APP: variants seen among roughly 807,000 people sequenced by gnomAD.
The protein encoded by APP is amyloid-beta precursor protein.
In APP, 31 loss-of-function variants were observed where a neutral mutation model predicts 101.4. The ratio of observed to expected loss-of-function variants is 0.31; its 90% CI spans 0.23 to 0.41. APP has a LOEUF of 0.41. APP is among the 10% of genes least tolerant of loss of function. The pLI, the probability that APP is intolerant of heterozygous loss-of-function variation, is 1.00. For missense variants in APP, 839 were observed against 1,003.7 expected, an observed-to-expected ratio of 0.84 and a Z score of 2.22; for synonymous variants, 366 against 364.4, an observed-to-expected ratio of 1.00 and a Z score of -0.05.
At chr21:25,983,801 C>A (rs2042532081) in intron 8 of APP, among the ~76,000 whole-genome samples, 1 of 152,154 alleles carries the variant, frequency 6.6e-6, no homozygotes, top group Non-Finnish European at 1.5e-5. Flanking sequence ...CTGCCCCTGT[C>A]TTCTCTGTAG....
At chr21:26,075,317 C>A (rs577951758) in intron 3 of APP, among the ~76,000 whole-genome samples, 1 of 152,102 alleles carries the variant, frequency 6.6e-6, no homozygotes, top group Non-Finnish European at 1.5e-5. Flanking sequence ...GTTTGAGCAC[C>A]GCAGGAAAGG....
At chr21:26,167,548 T>G (rs576101535) in intron 1 of APP, among the ~76,000 whole-genome samples, 15 of 152,260 alleles carry the variant, frequency 9.9e-5, no homozygotes, top group African/African-American at 3.6e-4. Flanking sequence ...CTGACAACAT[T>G]CATACAAATA....
At chr21:26,059,448 T>C (rs1313050581) in intron 3 of APP, among the ~76,000 whole-genome samples, 5 of 152,198 alleles carry the variant, frequency 3.3e-5, no homozygotes, top group African/African-American at 1.2e-4. Flanking sequence ...CCTTGTGCTA[T>C]GGGCCCAGAT....
rs530769298 is a variant in APP at position 25,939,193 on chromosome 21, T to C, written c.1687+15397A>G. On this transcript the variant is annotated intron_variant, in intron 13 of 17. Transcript: ENST00000346798. ...GGTTTAATTCCACTTTCATGTTCCC[T>C]TGAGGAGCTGTTGGCAGCAGGATGA... Among the ~76,000 whole-genome samples the C allele has an allele frequency of 1.7e-4, 26 of 152,270 alleles. No homozygotes were observed. The East Asian group carries it at 1.9e-3, about 11-fold the overall frequency.
intron 1 of APP, among the ~76,000 whole-genome samples, chr21:26,145,438 T>C (rs1221114952): frequency 2.0e-5 from 3 of 152,154 alleles, no homozygotes; most frequent in Non-Finnish European, 4.4e-5. Context: ...TAGTTCACAA[T>C]AGGTTTTGTG....
chr21:26,041,920 T>C (rs1022032357), intron 5 of APP, among the ~76,000 whole-genome samples: 10 of 124,022 alleles, frequency 8.1e-5, no homozygotes, highest in African/African-American at 3.1e-4. Context: ...TATTCGTCAT[T>C]TTCAAATGAG....
At chr21:25,953,691 G>T (rs1233803500) in intron 13 of APP, among the ~76,000 whole-genome samples, 1 of 152,202 alleles carries the variant, frequency 6.6e-6, no homozygotes, top group Non-Finnish European at 1.5e-5. Context: ...ATGTACCTTT[G>T]TGAAGTAAGT....
chr21:26,118,025 G>A (rs1160041510), intron 1 of APP, among the ~76,000 whole-genome samples: 5 of 152,186 alleles, frequency 3.3e-5, no homozygotes, highest in Admixed American at 6.5e-5. Context: ...TATTAGATTG[G>A]TGCAAAAATC....
At chr21:26,039,097 T>C (rs762242922) in intron 5 of APP, among the ~76,000 whole-genome samples, 12 of 152,230 alleles carry the variant, frequency 7.9e-5, no homozygotes, top group African/African-American at 2.7e-4. Context: ...CCACCCAATG[T>C]CTTTTTAGGC....
At chr21:26,144,686 T>C (rs1003729035) in intron 1 of APP, among the ~76,000 whole-genome samples, 12 of 152,212 alleles carry the variant, frequency 7.9e-5, no homozygotes, top group African/African-American at 2.9e-4. Context: ...ATAACAGATC[T>C]CAGTATACAA....
chr21:25,985,920 A>G (rs990132910), intron 8 of APP, among the ~76,000 whole-genome samples: 1 of 152,158 alleles, frequency 6.6e-6, no homozygotes, highest in Non-Finnish European at 1.5e-5. Flanking sequence ...GCAGAGAAGG[A>G]TAGCATATGC....
chr21:25,892,667 T>G (rs1443427455), intron 16 of APP, among the ~76,000 whole-genome samples: 1 of 152,238 alleles, frequency 6.6e-6, no homozygotes, highest in Non-Finnish European at 1.5e-5. Flanking sequence ...GGATTAAACA[T>G]AAAAATAATT....
rs182726914 is a variant in APP, at chr21:25,902,467, G to C, written c.1963+2557C>G. 2.8e-4 allele frequency among the ~76,000 whole-genome samples: 41 copies of C among 146,360 alleles called. 2 individuals carry two copies. Among genetic ancestry groups the C allele is most frequent in the Admixed American group, 2.7e-3 (36 of 13,536 alleles). ...TGTGCAGTAAATACTGCTATTCATAGACAAACCTTAACTAGAATCTTCCTC... is the reference window on the plus strand; with the variant it reads ...TGTGCAGTAAATACTGCTATTCATACACAAACCTTAACTAGAATCTTCCTC... On this transcript the variant is annotated intron_variant, in intron 15 of 17. Transcript: ENST00000346798.
chr21:25,913,719 G>A lies in APP; in HGVS notation c.1688-1757C>T, dbSNP rs373401396. On this transcript the variant is annotated intron_variant, in intron 13 of 17. Transcript: ENST00000346798. Reference sequence around the variant, plus strand: ...CTATCACTTACCATGTCCTTTATTTGGAAATGTTCTCACTGTTTCGCATAC... The same window carrying A: ...CTATCACTTACCATGTCCTTTATTTAGAAATGTTCTCACTGTTTCGCATAC... Among the ~76,000 whole-genome samples, 12 of 152,012 alleles carry A rather than the reference G, an allele frequency of 7.9e-5. No individual in the cohort carries two copies. The East Asian group carries it at 2.1e-3, about 27-fold the overall frequency.
chr21:26,024,310 AG>A (rs139403539), intron 5 of APP, among the ~76,000 whole-genome samples: 3,325 of 152,056 alleles, frequency 0.022, 108 homozygotes, highest in African/African-American at 0.076. Flanking sequence ...TGTACCCAGA[AG>A]GAAAAAAAAA....
chr21:25,985,661 A>G (rs2042610585), intron 8 of APP, among the ~76,000 whole-genome samples: 2 of 152,120 alleles, frequency 1.3e-5, no homozygotes, highest in African/African-American at 4.8e-5. Context: ...ATTCTGCAGA[A>G]TCAATCTCTT....
Position 26,096,075 on chromosome 21 carries a change from C to T in APP, c.226-6003G>A, listed in dbSNP as rs150505603. Among the ~76,000 whole-genome samples, 389 of 152,280 alleles carry T rather than the reference C, an allele frequency of 2.6e-3. 1 individual carries two copies. The highest frequency in any genetic ancestry group is 0.01 in the Middle Eastern group (3 of 294). ...ACACAGAGCATTTGCTGTATAAATA[C>T]GTACACTGTGTTCCAAACACACTCT... is the stretch of plus-strand genomic sequence containing the variant. On this transcript the variant is annotated intron_variant, in intron 2 of 17. Transcript: ENST00000346798.
Position 26,170,570 on chromosome 21 carries a change from C to T in APP, c.51G>A (p.Ala17=). ...LLLLAAWTAR[A]LEVPTDGNAG... ...TCCGAGGCGCGGCACCCACCTCCAG[C>T]GCCCGAGCCGTCCAGGCGGCCAGCA... Residue 17 remains alanine (A), a synonymous_variant, in exon 1 of 18, where the codon GCG becomes GCA. Transcript: ENST00000346798. 1 of 1,538,424 alleles carries T rather than the reference C, an allele frequency of 6.5e-7. No homozygotes were observed. Among genetic ancestry groups the T allele is most frequent in the Non-Finnish European group, 8.7e-7 (1 of 1,146,352 alleles).
intron 6 of APP, among the ~76,000 whole-genome samples, chr21:26,013,175 G>A (rs1170328448): frequency 6.6e-6 from 1 of 152,098 alleles, no homozygotes; most frequent in African/African-American, 2.4e-5. Flanking sequence ...CAGTTAGCCA[G>A]GCGCGGTTGT....
Sources: gnomAD v4.1 joint callset for allele counts (sites outside exome capture counted in the v4.1 genomes callset) on GRCh38, gnomAD v4.1.1 for gene constraint, MANE v1.5 for transcripts, NCBI Gene and HGNC (gene_info 2026-07-23, HGNC 2026-07-21) for gene names.